The following HEATR5B variants were observed in gnomAD, a reference collection of about 807,000 sequenced individuals.
HEATR5B encodes HEAT repeat-containing protein 5B.
HEATR5B carries 156 observed loss-of-function variants against 224.1 expected under a neutral mutation model. The observed-to-expected ratio is 0.70, with a 90% confidence interval of 0.61 to 0.80. The LOEUF is 0.80. Among genes scored for constraint, HEATR5B ranks in the 30% least tolerant of loss-of-function variants. The pLI, the probability that HEATR5B is intolerant of heterozygous loss-of-function variation, is 0.00. For missense variants in HEATR5B, 2,323 were observed against 2,535.5 expected (o/e 0.92, Z 1.80); for synonymous variants, 1,027 against 893.0 (o/e 1.15, Z -2.68).
intron 20 of HEATR5B, 98 bp downstream of exon 20, chr2:37,040,231 A>G: frequency 1.0e-6 from 1 of 974,712 alleles, no homozygotes; most frequent in Non-Finnish European, 1.6e-6. Context: ...AGTAATTGTT[A>G]TTACAAAATT....
At chr2:37,030,431 AAATT>A (rs1260334106) in intron 22 of HEATR5B, among the ~76,000 whole-genome samples, 3 of 152,232 alleles carry the variant, frequency 2.0e-5, no homozygotes, top group African/African-American at 7.2e-5. Flanking sequence ...GCAAACCAAT[AAATT>A]AAGGGAAAAT....
Position 37,040,466 on chromosome 2 carries a change from T to A in HEATR5B, c.2909A>T (p.Tyr970Phe). ...TAATGTTGGTTCCACATAGCCACGATACATCGGACCACTAGAATCCACTAT... is the reference window on the plus strand; with the variant it reads ...TAATGTTGGTTCCACATAGCCACGAAACATCGGACCACTAGAATCCACTAT... ...ALIVDSSGPMYRGYVEPTLSL... is the reference protein window; with the variant it reads ...ALIVDSSGPMFRGYVEPTLSL... Residue 970 changes from tyrosine to phenylalanine, a missense_variant, in exon 20 of 36, where the codon TAT (tyrosine) becomes TTT (phenylalanine). Tyr to Phe is a conservative substitution (Grantham distance 22). Around this residue, in one of 12 missense-constraint regions of HEATR5B, gnomAD observed 44 missense variants for 39.0 expected, o/e 1.13. Transcript: ENST00000233099. 3.7e-6 allele frequency: 6 copies of A among 1,613,970 alleles called. No individual in the cohort carries two copies. Among genetic ancestry groups the A allele is most frequent in the Non-Finnish European group, 5.1e-6 (6 of 1,179,932 alleles).
chr2:37,044,748 T>C (rs1156982305), intron 18 of HEATR5B, among the ~76,000 whole-genome samples: 1 of 152,228 alleles, frequency 6.6e-6, no homozygotes, highest in African/African-American at 2.4e-5. Context: ...GTTCTTAACC[T>C]ACCCTTTGCT....
At chr2:37,032,576 G>C (rs561356690) in intron 22 of HEATR5B, 53 bp downstream of exon 22, 7 of 1,455,256 alleles carry the variant, frequency 4.8e-6, no homozygotes, top group Non-Finnish European at 6.6e-6. Flanking sequence ...GTACTTAACT[G>C]AAATGTAAAA....
chr2:37,072,282 C>A lies in HEATR5B; in HGVS notation c.598-1G>T, dbSNP rs1029082482. ...CTTCATTCTGTAGTTCTAGTAGACA[C>A]TGGAATTAAAAACAAAAAAGTAAAT... On this transcript the variant is annotated splice_acceptor_variant, in intron 5 of 35. Coordinates refer to ENST00000233099, the MANE Select transcript of HEATR5B (RefSeq NM_019024.3). LOFTEE classifies it high-confidence loss of function. The A allele has an allele frequency of 1.3e-6, 2 of 1,595,304 alleles. No homozygotes were observed. The highest frequency in any genetic ancestry group is 1.7e-6 in the Non-Finnish European group (2 of 1,168,216).
intron 35 of HEATR5B, among the ~76,000 whole-genome samples, chr2:36,982,105 A>C (rs1316884893): frequency 6.6e-6 from 1 of 152,078 alleles, no homozygotes; most frequent in African/African-American, 2.4e-5. Context: ...CTTGAGAGTA[A>C]GATTATAAAA....
chr2:36,997,740 G>T (rs1420560963), intron 33 of HEATR5B, among the ~76,000 whole-genome samples: 1 of 151,844 alleles, frequency 6.6e-6, no homozygotes, highest in South Asian at 2.1e-4. Context: ...CTAATTTTTT[G>T]TATCTTTAGT....
At chr2:37,016,698 T>C (rs1015933520) in intron 26 of HEATR5B, among the ~76,000 whole-genome samples, 14 of 152,208 alleles carry the variant, frequency 9.2e-5, no homozygotes, top group African/African-American at 3.4e-4. Context: ...AAAAAAGCTT[T>C]TGATTTTCAC....
intron 23 of HEATR5B, 68 bp from the exon 24 acceptor site, chr2:37,028,242 A>T: frequency 1.0e-6 from 1 of 969,908 alleles, no homozygotes; most frequent in Non-Finnish European, 1.4e-6. Flanking sequence ...AAAAGTTATT[A>T]ATATTAAAAT....
At chr2:37,012,190 A>C (rs1225695887) in intron 27 of HEATR5B, among the ~76,000 whole-genome samples, 1 of 152,112 alleles carries the variant, frequency 6.6e-6, no homozygotes, top group Non-Finnish European at 1.5e-5. Context: ...TTTTTTACCT[A>C]ATGTGTGCGT....
intron 6 of HEATR5B, 150 bp from the exon 7 acceptor site, chr2:37,070,537 T>C (rs1572935007): frequency 1.6e-6 from 1 of 642,756 alleles, no homozygotes; most frequent in East Asian, 2.8e-5. Context: ...TTCAATGTAC[T>C]TGTAAGCCTG....
intron 33 of HEATR5B, among the ~76,000 whole-genome samples, chr2:37,000,277 G>C (rs567760858): frequency 6.6e-6 from 1 of 151,872 alleles, no homozygotes; most frequent in Non-Finnish European, 1.5e-5. Context: ...GGGTTTCACC[G>C]TGTTAATCAG....
At chr2:37,037,705 C>T (rs2148489330) in intron 21 of HEATR5B, 150 bp downstream of exon 21, 1 of 408,550 alleles carries the variant, frequency 2.4e-6, no homozygotes, top group South Asian at 1.3e-4. Flanking sequence ...CACATTCACT[C>T]TGATGTGATT....
chr2:37,075,400 T>G, intron 5 of HEATR5B, 85 bp downstream of exon 5: 2 of 955,756 alleles, frequency 2.1e-6, no homozygotes, highest in Non-Finnish European at 2.9e-6. Flanking sequence ...AAACATAATT[T>G]AAAATTTTAA....
At chr2:37,010,592 C>A (rs552543509) in intron 27 of HEATR5B, among the ~76,000 whole-genome samples, 30 of 151,772 alleles carry the variant, frequency 2.0e-4, no homozygotes, top group African/African-American at 6.5e-4. Flanking sequence ...CAGCTCACTG[C>A]AATCTCCACC....
At chr2:37,073,457 T>G (rs1672030274) in intron 5 of HEATR5B, among the ~76,000 whole-genome samples, 1 of 152,206 alleles carries the variant, frequency 6.6e-6, no homozygotes, top group Admixed American at 6.5e-5. Context: ...TTGGCCAGGC[T>G]GGTCTTAAAC....
At chr2:37,053,479 T>C (rs749060880) in intron 17 of HEATR5B, 23 bp downstream of exon 17, 2 of 1,316,844 alleles carry the variant, frequency 1.5e-6, no homozygotes, top group South Asian at 1.3e-5. Context: ...TATTTCAGAA[T>C]AGTATGTATT....
At chr2:37,084,083 A>C (rs1672811866) in intron 1 of HEATR5B, among the ~76,000 whole-genome samples, 186 bp downstream of exon 1, 1 of 152,128 alleles carries the variant, frequency 6.6e-6, no homozygotes, top group African/African-American at 2.4e-5. Context: ...AAACACCAAG[A>C]GGCCGCCGCA....
At chr2:37,025,042 G>C (rs1474146509) in intron 24 of HEATR5B, among the ~76,000 whole-genome samples, 1 of 152,180 alleles carries the variant, frequency 6.6e-6, no homozygotes, top group Admixed American at 6.5e-5. Flanking sequence ...TTAAAGCATA[G>C]GAGATAGGAA....
Sources: allele counts gnomAD v4.1 joint callset (sites outside exome capture counted in the v4.1 genomes callset), GRCh38; gene constraint gnomAD v4.1.1; regional missense constraint gnomAD v4.1.1; transcripts MANE v1.5; gene names NCBI Gene and HGNC (gene_info 2026-07-23, HGNC 2026-07-21).